Variants in RNF17 observed in about 807,000 individuals in gnomAD.
RNF17 encodes the protein spermatogenesis associated 23.
RNF17 carries 31 observed loss-of-function variants against 200.5 expected under a neutral mutation model. The observed-to-expected ratio is 0.15, with a 90% CI of 0.12 to 0.21. The LOEUF (loss-of-function observed/expected upper bound fraction) is 0.21, where lower values mean the gene tolerates loss of function less well. Ranked by LOEUF, RNF17 falls within the 10% of genes least tolerant of loss-of-function variation. The pLI, the probability that RNF17 is intolerant of heterozygous loss-of-function variation, is 1.00. For synonymous variants in RNF17, 606 were observed against 637.8 expected (o/e 0.95, Z 0.75); for missense variants, 1,628 against 1,905.1 (o/e 0.85, Z 2.71).
chr13:24,839,560 G>A (rs1164118665), intron 18 of RNF17, among the ~76,000 whole-genome samples: 1 of 152,050 alleles, frequency 6.6e-6, no homozygotes, highest in Non-Finnish European at 1.5e-5. Flanking sequence ...ACAGAATAGA[G>A]AACCCAGAAA....
Position 24,796,241 on chromosome 13 carries a change from A to G in RNF17, c.1345A>G (p.Asn449Asp), listed in dbSNP as rs367677404. Residue 449 changes from asparagine to aspartate, a missense_variant, in exon 11 of 36, where the codon AAT becomes GAT. Transcript: ENST00000255324. ...CGCCAAAGTACTGGAGAAGAAGGTG[A>G]ATGAATTTTGCAATAGGAGTTCACA... ...KDAKVLEKKV[N>D]EFCNRSSHLD... 5.8e-5 allele frequency: 94 copies of G among 1,612,542 alleles called. No homozygotes were observed. Among genetic ancestry groups the G allele is most frequent in the Non-Finnish European group, 7.6e-5 (90 of 1,179,030 alleles).
intron 15 of RNF17, among the ~76,000 whole-genome samples, chr13:24,809,478 G>A (rs376949461): frequency 1.1e-4 from 17 of 152,190 alleles, no homozygotes; most frequent in East Asian, 3.9e-4. Context: ...CTGTGGGATC[G>A]GTGGTGATAT....
intron 30 of RNF17, among the ~76,000 whole-genome samples, chr13:24,867,758 C>T (rs1185524630): frequency 1.3e-5 from 2 of 152,146 alleles, no homozygotes; most frequent in African/African-American, 2.4e-5. Flanking sequence ...TGCTGGGTGC[C>T]GTGATCTTCC....
intron 26 of RNF17, 100 bp from the exon 27 acceptor site, chr13:24,861,168 C>A: frequency 1.0e-6 from 1 of 1,000,102 alleles, no homozygotes; most frequent in Non-Finnish European, 1.4e-6. Context: ...CATGAGCCAT[C>A]AAGCCCGGCC....
chr13:24,749,962 G>C, the RNF17 span, among the ~76,000 whole-genome samples: 1 of 152,102 alleles, frequency 6.6e-6, no homozygotes, highest in East Asian at 1.9e-4. Flanking sequence ...GTGTTGGTCA[G>C]GCTGATCTCA....
intron 6 of RNF17, among the ~76,000 whole-genome samples, chr13:24,783,359 G>A (rs1816238498): frequency 6.6e-6 from 1 of 152,128 alleles, no homozygotes; most frequent in African/African-American, 2.4e-5. Flanking sequence ...TTTCAAGATT[G>A]TTTCTCAGGG....
At chr13:24,850,783 C>T (rs991393804) in intron 23 of RNF17, among the ~76,000 whole-genome samples, 2 of 152,114 alleles carry the variant, frequency 1.3e-5, no homozygotes, top group Admixed American at 1.3e-4. Flanking sequence ...AAAAAAGGCA[C>T]ACCTTGGAAA....
intron 33 of RNF17, 40 bp downstream of exon 33, chr13:24,874,289 T>C: frequency 6.6e-7 from 1 of 1,508,248 alleles, no homozygotes; most frequent in South Asian, 1.3e-5. Context: ...AGATTTCTTT[T>C]TTTTTAAATA....
At chr13:24,797,551 G>A (rs962258018) in intron 11 of RNF17, among the ~76,000 whole-genome samples, 12 of 152,118 alleles carry the variant, frequency 7.9e-5, no homozygotes, top group African/African-American at 2.4e-4. Flanking sequence ...GCAAATGTCT[G>A]TGTTGAGTTT....
At chr13:24,833,895 A>G (rs1419679953) in intron 18 of RNF17, among the ~76,000 whole-genome samples, 1 of 152,386 alleles carries the variant, frequency 6.6e-6, no homozygotes, top group South Asian at 2.1e-4. Context: ...AGGGAAGATG[A>G]TAAAGGTACA....
chr13:24,776,350 T>A (rs186377824), intron 3 of RNF17, among the ~76,000 whole-genome samples: 1 of 152,220 alleles, frequency 6.6e-6, no homozygotes, highest in South Asian at 2.1e-4. Flanking sequence ...GCACTTCACA[T>A]TACCACCGTA....
downstream of RNF17, chr13:24,882,975 AAGAC>A (rs1336544825): frequency 1.7e-6 from 1 of 585,252 alleles, no homozygotes; most frequent in Non-Finnish European, 3.0e-6. Context: ...AGTCTATTGA[AAGAC>A]AGGGTAGTGA....
chr13:24,885,726 A>T, the RNF17 span: 1,919 of 1,210,408 alleles, frequency 1.6e-3, 19 homozygotes, highest in East Asian at 0.023. Flanking sequence ...AAATTTTATT[A>T]GTATGATCAC....
intron 30 of RNF17, among the ~76,000 whole-genome samples, chr13:24,867,022 T>G (rs1893696084): frequency 1.3e-5 from 2 of 152,210 alleles, no homozygotes; most frequent in Non-Finnish European, 2.9e-5. Flanking sequence ...TGATTAGTAT[T>G]GTTGAGCATC....
At position 24,859,055 on chromosome 13, in the gene RNF17, G is replaced by A; in HGVS notation, c.3665G>A (p.Gly1222Asp). 1 of 1,606,554 alleles carries A rather than the reference G, an allele frequency of 6.2e-7. No homozygotes were observed. The highest frequency in any genetic ancestry group is 1.1e-5 in the South Asian group (1 of 90,610). Residue 1222 changes from glycine to aspartate, a missense_variant, in exon 26 of 36, where the codon GGT becomes GAT. Physicochemically the swap from Gly to Asp is moderately conservative, Grantham distance 94. This residue lies in a region of RNF17 where 609 missense variants were observed against 681.9 expected (regional missense o/e 0.89). Transcript: ENST00000255324. Reference sequence around the variant, plus strand: ...ATTCAAAGTAATTTAAAATGCCTTGGTCTTTTGGAGCCTTATTTCTGGAAA... The same window carrying A: ...ATTCAAAGTAATTTAAAATGCCTTGATCTTTTGGAGCCTTATTTCTGGAAA... Reference protein sequence around the residue: ...NEIQSNLKCLGLLEPYFWKKG... With the variant: ...NEIQSNLKCLDLLEPYFWKKG...
chr13:24,757,998 T>C, the RNF17 span, among the ~76,000 whole-genome samples: 1 of 152,182 alleles, frequency 6.6e-6, no homozygotes, highest in Non-Finnish European at 1.5e-5. Context: ...AGTGTTCTCA[T>C]GAGATCTTCC....
At chr13:24,880,624 C>T (rs1259520665), downstream of RNF17, among the ~76,000 whole-genome samples, 1 of 152,150 alleles carries the variant, frequency 6.6e-6, no homozygotes, top group Non-Finnish European at 1.5e-5. Flanking sequence ...TATCTGTGTA[C>T]ATAATTTATC....
chr13:24,836,194 A>G (rs969746050), intron 18 of RNF17, among the ~76,000 whole-genome samples: 2 of 152,224 alleles, frequency 1.3e-5, no homozygotes, highest in Non-Finnish European at 2.9e-5. Context: ...CCTCAGGAAA[A>G]CATATTTGGG....
At chr13:24,798,593 A>G (rs1416831114) in intron 11 of RNF17, among the ~76,000 whole-genome samples, 1 of 152,152 alleles carries the variant, frequency 6.6e-6, no homozygotes, top group African/African-American at 2.4e-5. Flanking sequence ...TTCTCCTGCT[A>G]CTTCTTCTAA....
Sources: gnomAD v4.1 joint callset for allele counts (sites outside exome capture counted in the v4.1 genomes callset) on GRCh38, gnomAD v4.1.1 for gene constraint, gnomAD v4.1.1 regional missense constraint, MANE v1.5 for transcripts, NCBI Gene and HGNC (gene_info 2026-07-23, HGNC 2026-07-21) for gene names.